Variants in NAALADL2 observed in about 807,000 individuals in gnomAD.
The protein encoded by NAALADL2 is N-acetylated alpha-linked acidic dipeptidase like 2, also known as inactive N-acetylated-alpha-linked acidic dipeptidase-like protein 2.
In NAALADL2, 76 loss-of-function variants were observed where a neutral mutation model predicts 87.2. The ratio of observed to expected loss-of-function variants is 0.87; its 90% confidence interval spans 0.72 to 1.05. The LOEUF (loss-of-function observed/expected upper bound fraction) is 1.05, where lower values mean the gene tolerates loss of function less well. Among genes scored for constraint, NAALADL2 ranks in the 50% least tolerant of loss-of-function variants. NAALADL2 has a pLI of 0.00. For missense variants in NAALADL2, 1,089 were observed against 945.8 expected, an observed-to-expected ratio of 1.15 and a Z score of -1.99; for synonymous variants, 354 against 331.0, an observed-to-expected ratio of 1.07 and a Z score of -0.75.
intron 4 of NAALADL2, among the ~76,000 whole-genome samples, chr3:175,292,865 G>A (rs1369969355): frequency 6.6e-6 from 1 of 151,506 alleles, no homozygotes; most frequent in Non-Finnish European, 1.5e-5. Context: ...GTGAAACCCC[G>A]TCTCTACTAA....
intron 11 of NAALADL2, among the ~76,000 whole-genome samples, chr3:175,691,913 G>T (rs1462208552): frequency 6.6e-6 from 1 of 152,048 alleles, no homozygotes; most frequent in Non-Finnish European, 1.5e-5. Context: ...AAAGGGTAAA[G>T]CTTCTGCATT....
intron 3 of NAALADL2, among the ~76,000 whole-genome samples, chr3:174,739,593 C>G (rs1383801532): frequency 6.6e-6 from 1 of 152,006 alleles, no homozygotes; most frequent in Non-Finnish European, 1.5e-5. Flanking sequence ...ACAAAGCATG[C>G]AATGTCTTTT....
chr3:175,399,702 A>C (rs1463101572), intron 5 of NAALADL2, among the ~76,000 whole-genome samples: 1 of 151,768 alleles, frequency 6.6e-6, no homozygotes, highest in Non-Finnish European at 1.5e-5. Flanking sequence ...GGTCTTTATG[A>C]CCTGTATCTT....
intron 2 of NAALADL2, among the ~76,000 whole-genome samples, chr3:174,675,294 G>A (rs1473995897): frequency 6.6e-6 from 1 of 152,016 alleles, no homozygotes; most frequent in East Asian, 1.9e-4. Flanking sequence ...TTGCACTTGA[G>A]AGCTGCTGCA....
At chr3:175,188,350 A>G (rs1224594217) in intron 2 of NAALADL2, among the ~76,000 whole-genome samples, 1 of 151,870 alleles carries the variant, frequency 6.6e-6, no homozygotes, top group Non-Finnish European at 1.5e-5. Flanking sequence ...ATCCCCTAAT[A>G]TTGCTCCCTA....
chr3:175,142,053 T>C (rs1730076084), intron 2 of NAALADL2, among the ~76,000 whole-genome samples: 1 of 152,078 alleles, frequency 6.6e-6, no homozygotes, highest in Admixed American at 6.6e-5. Flanking sequence ...TCTTATTCTT[T>C]CTTAAACTAC....
rs550158817 is a variant in NAALADL2 at position 175,277,195 on chromosome 3, C to T, written c.939+20665C>T. Among the ~76,000 whole-genome samples the T allele has an allele frequency of 3.9e-4, 59 of 152,220 alleles. 1 individual carries two copies. In the South Asian group the frequency reaches 0.012, roughly 32 times the overall value. The stretch of plus-strand genomic sequence containing the variant: ...TCACATTTTATTTCTAGCCCCATTG[C>T]ACTCTGGCTATGTTATGATACTAGA... On this transcript the variant is annotated intron_variant, in intron 4 of 13. Coordinates refer to ENST00000454872, the MANE Select transcript of NAALADL2 (RefSeq NM_207015.3).
chr3:174,800,456 A>G (rs1163050810), intron 3 of NAALADL2, among the ~76,000 whole-genome samples: 2 of 152,130 alleles, frequency 1.3e-5, no homozygotes, highest in African/African-American at 4.8e-5. Flanking sequence ...GGGGTTTGGG[A>G]ACCTCCACCT....
chr3:174,883,409 G>A (rs2109733181), intron 1 of NAALADL2, among the ~76,000 whole-genome samples: 2 of 152,126 alleles, frequency 1.3e-5, no homozygotes, highest in Middle Eastern at 6.8e-3. Flanking sequence ...ACAATAAGAA[G>A]GTCATAATTA....
intron 3 of NAALADL2, among the ~76,000 whole-genome samples, chr3:175,239,402 C>G (rs868671887): frequency 6.6e-6 from 1 of 152,160 alleles, no homozygotes; most frequent in African/African-American, 2.4e-5. Flanking sequence ...ATTAATAGAA[C>G]ATATGGCTTT....
chr3:175,672,961 G>A (rs1734208029), intron 11 of NAALADL2, among the ~76,000 whole-genome samples: 1 of 151,506 alleles, frequency 6.6e-6, no homozygotes, highest in Admixed American at 6.6e-5. Flanking sequence ...CATCTTAGAT[G>A]TCCTCAGTTA....
At chr3:175,457,299 C>T (rs1199243046) in intron 6 of NAALADL2, among the ~76,000 whole-genome samples, 1 of 152,016 alleles carries the variant, frequency 6.6e-6, no homozygotes, top group African/African-American at 2.4e-5. Flanking sequence ...TCAGTTTGTC[C>T]CATCTCTGGT....
At chr3:175,031,140 T>A (rs1752751282) in intron 1 of NAALADL2, among the ~76,000 whole-genome samples, 1 of 152,076 alleles carries the variant, frequency 6.6e-6, no homozygotes, top group Non-Finnish European at 1.5e-5. Context: ...ATATTTCAAC[T>A]TTAATTTTAG....
intron 3 of NAALADL2, among the ~76,000 whole-genome samples, chr3:174,814,201 C>T (rs772314885): frequency 4.6e-5 from 7 of 152,012 alleles, no homozygotes; most frequent in East Asian, 1.9e-4. Flanking sequence ...CTCCACCCCC[C>T]GGGTTCACAC....
intron 1 of NAALADL2, among the ~76,000 whole-genome samples, chr3:174,942,902 T>TA (rs1330043224): frequency 6.6e-6 from 1 of 152,212 alleles, no homozygotes; most frequent in African/African-American, 2.4e-5. Flanking sequence ...GCTTCTTTTT[T>TA]ATATCAGCTA....
intron 13 of NAALADL2, among the ~76,000 whole-genome samples, chr3:175,793,307 C>CTTTT (rs66905230): frequency 1.6e-4 from 19 of 116,912 alleles, no homozygotes; most frequent in East Asian, 2.4e-4. Context: ...CATTTTCTTT[C>CTTTT]TTTTTTTTTT....
At chr3:174,599,207 G>A (rs369315806) in intron 2 of NAALADL2, among the ~76,000 whole-genome samples, 1 of 152,128 alleles carries the variant, frequency 6.6e-6, no homozygotes, top group Non-Finnish European at 1.5e-5. Context: ...TGGATTGCTC[G>A]ACTGAGTGCT....
intron 3 of NAALADL2, among the ~76,000 whole-genome samples, chr3:174,848,506 A>C (rs532329856): frequency 6.6e-6 from 1 of 152,304 alleles, no homozygotes; most frequent in African/African-American, 2.4e-5. Context: ...GTTGTGCCAT[A>C]TAAGTTTCTT....
intron 2 of NAALADL2, among the ~76,000 whole-genome samples, chr3:175,222,833 G>GAAAA (rs1474570636): frequency 6.6e-6 from 1 of 151,870 alleles, no homozygotes; most frequent in African/African-American, 2.4e-5. Context: ...ATTTTTCAAA[G>GAAAA]AAAAAACATT....
Sources: gnomAD v4.1 joint callset for allele counts (sites outside exome capture counted in the v4.1 genomes callset) on GRCh38, gnomAD v4.1.1 for gene constraint, MANE v1.5 for transcripts, NCBI Gene and HGNC (gene_info 2026-07-23, HGNC 2026-07-21) for gene names.